The following NKAIN2 variants were observed in gnomAD, a reference collection of about 807,000 sequenced individuals.
NKAIN2 encodes sodium/potassium transporting ATPase interacting 2.
NKAIN2 carries 14 observed loss-of-function variants against 32.6 expected under a neutral mutation model. The ratio of observed to expected loss-of-function variants is 0.43; its 90% CI spans 0.28 to 0.67. The LOEUF (loss-of-function observed/expected upper bound fraction) is 0.67. NKAIN2 is among the 30% of genes least tolerant of loss of function. The pLI, the probability that NKAIN2 is intolerant of heterozygous loss-of-function variation, is 0.17. For synonymous variants in NKAIN2, 80 were observed against 87.2 expected (o/e 0.92, Z 0.46); for missense variants, 198 against 258.3 (o/e 0.77, Z 1.60).
At chr6:124,535,041 A>G (rs1779665312) in intron 3 of NKAIN2, among the ~76,000 whole-genome samples, 1 of 152,238 alleles carries the variant, frequency 6.6e-6, no homozygotes, top group South Asian at 2.1e-4. Flanking sequence ...TGCTATAAAA[A>G]TAATTGTCAT....
chr6:124,748,225 T>C (rs951475255), intron 4 of NKAIN2, among the ~76,000 whole-genome samples: 2 of 151,994 alleles, frequency 1.3e-5, no homozygotes, highest in Non-Finnish European at 2.9e-5. Context: ...TATCTTGGCA[T>C]TTTCCACTAT....
intron 3 of NKAIN2, among the ~76,000 whole-genome samples, chr6:124,505,414 A>T (rs1257509663): frequency 6.6e-6 from 1 of 152,214 alleles, no homozygotes; most frequent in African/African-American, 2.4e-5. Context: ...CGACTAGGAA[A>T]AAGACATCTA....
intron 1 of NKAIN2, among the ~76,000 whole-genome samples, chr6:124,204,000 C>T (rs1790727442): frequency 6.6e-6 from 1 of 151,800 alleles, no homozygotes; most frequent in South Asian, 2.1e-4. Context: ...GAGATCAATG[C>T]TGTTTTGTAG....
intron 2 of NKAIN2, among the ~76,000 whole-genome samples, chr6:124,354,852 A>AAAC (rs941803769): frequency 1.3e-5 from 2 of 151,482 alleles, no homozygotes; most frequent in African/African-American, 4.8e-5. Context: ...AAGAAAAAAA[A>AAAC]AAAAAAAAAA....
intron 4 of NKAIN2, among the ~76,000 whole-genome samples, chr6:124,771,388 G>T (rs1778748596): frequency 6.6e-6 from 1 of 152,122 alleles, no homozygotes; most frequent in East Asian, 1.9e-4. Context: ...GAACCAACAG[G>T]TGTGTTTTCC....
At chr6:124,666,381 G>A (rs989823272) in intron 4 of NKAIN2, among the ~76,000 whole-genome samples, 2 of 152,098 alleles carry the variant, frequency 1.3e-5, no homozygotes, top group Non-Finnish European at 2.9e-5. Flanking sequence ...ATAAATAAGC[G>A]AAGTCCCACA....
At chr6:124,436,041 A>G (rs1775428972) in intron 3 of NKAIN2, among the ~76,000 whole-genome samples, 1 of 152,176 alleles carries the variant, frequency 6.6e-6, no homozygotes, top group South Asian at 2.1e-4. Context: ...CAATATAGAG[A>G]ATTAAATGAT....
At chr6:124,678,082 A>T (rs1388735155) in intron 4 of NKAIN2, among the ~76,000 whole-genome samples, 1 of 152,110 alleles carries the variant, frequency 6.6e-6, no homozygotes, top group Non-Finnish European at 1.5e-5. Context: ...ATCCACTTAC[A>T]GTCTTATAGA....
Position 124,718,909 on chromosome 6 carries a change from T to TA in NKAIN2, c.474+60532dup, listed in dbSNP as rs201732653. On this transcript the variant is annotated intron_variant, in intron 4 of 6. Coordinates refer to ENST00000368417, the MANE Select transcript of NKAIN2 (RefSeq NM_001040214.3). ...AAAAATCCAGGTAAAATTTGAGTAATAAAAAAAAATGAACTACAATTCATA... is the reference window on the plus strand; with the variant it reads ...AAAAATCCAGGTAAAATTTGAGTAATAAAAAAAAAATGAACTACAATTCATA... Among the ~76,000 whole-genome samples the TA allele has an allele frequency of 7.9e-5, 12 of 151,138 alleles. No individual in the cohort carries two copies. The South Asian group carries it at 1.3e-3, about 16-fold the overall frequency.
At chr6:124,784,065 A>T (rs1779395529) in intron 4 of NKAIN2, among the ~76,000 whole-genome samples, 1 of 152,188 alleles carries the variant, frequency 6.6e-6, no homozygotes, top group Admixed American at 6.5e-5. Flanking sequence ...GAAAACAAGC[A>T]TATCTACTTG....
intron 1 of NKAIN2, among the ~76,000 whole-genome samples, chr6:124,100,905 T>C (rs1213537676): frequency 6.6e-6 from 1 of 152,192 alleles, no homozygotes; most frequent in Non-Finnish European, 1.5e-5. Flanking sequence ...TTCTTGGAAT[T>C]TGAGGGTGGG....
At chr6:124,003,673 C>A (rs1582913071) in intron 1 of NKAIN2, among the ~76,000 whole-genome samples, 1 of 152,068 alleles carries the variant, frequency 6.6e-6, no homozygotes, top group Non-Finnish European at 1.5e-5. Context: ...TAAGGCCAAG[C>A]CAATGAGGTT....
At chr6:124,472,112 AT>A (rs1336627649) in intron 3 of NKAIN2, among the ~76,000 whole-genome samples, 1 of 152,136 alleles carries the variant, frequency 6.6e-6, no homozygotes, top group Non-Finnish European at 1.5e-5. Context: ...CCATTGTCAC[AT>A]TTTATTAAAT....
chr6:124,631,864 A>T (rs1255134530), intron 3 of NKAIN2, among the ~76,000 whole-genome samples: 4 of 152,176 alleles, frequency 2.6e-5, no homozygotes, highest in Non-Finnish European at 4.4e-5. Context: ...GTCAGGATGT[A>T]GTTTAATCAG....
chr6:124,440,040 G>A (rs554015350), intron 3 of NKAIN2, among the ~76,000 whole-genome samples: 1 of 152,100 alleles, frequency 6.6e-6, no homozygotes, highest in East Asian at 1.9e-4. Flanking sequence ...GGCTGGGATG[G>A]CCCTTCTTCA....
chr6:124,009,838 T>TA (rs1260096622), intron 1 of NKAIN2, among the ~76,000 whole-genome samples: 1 of 152,178 alleles, frequency 6.6e-6, no homozygotes, highest in Non-Finnish European at 1.5e-5. Context: ...TCACCCCATA[T>TA]ACATATGAGA....
chr6:123,813,946 T>C (rs1401447473), intron 1 of NKAIN2, among the ~76,000 whole-genome samples: 3 of 151,926 alleles, frequency 2.0e-5, no homozygotes, highest in Non-Finnish European at 4.4e-5. Context: ...TTTTCTCAAA[T>C]ATTGGAGCAA....
intron 1 of NKAIN2, among the ~76,000 whole-genome samples, chr6:123,991,179 G>A (rs1779394722): frequency 1.3e-5 from 2 of 152,080 alleles, no homozygotes. Flanking sequence ...TTTATCTGAG[G>A]AATGTTAATT....
intron 3 of NKAIN2, among the ~76,000 whole-genome samples, chr6:124,450,075 G>A (rs1368603602): frequency 6.6e-6 from 1 of 152,022 alleles, no homozygotes; most frequent in Non-Finnish European, 1.5e-5. Flanking sequence ...CCTTATAACT[G>A]AAGAGAAAAT....
Sources: gnomAD v4.1 joint callset for allele counts (sites outside exome capture counted in the v4.1 genomes callset) on GRCh38, gnomAD v4.1.1 for gene constraint, MANE v1.5 for transcripts, NCBI Gene and HGNC (gene_info 2026-07-23, HGNC 2026-07-21) for gene names.